Variants in PTPRM observed in about 807,000 individuals in gnomAD.
PTPRM encodes the protein protein tyrosine phosphatase receptor type M, also known as receptor-type tyrosine-protein phosphatase mu.
A neutral mutation model predicts 186.7 loss-of-function variants in PTPRM; 47 were observed. That is an observed-to-expected ratio of 0.25 (90% confidence interval 0.20 to 0.32). The LOEUF (loss-of-function observed/expected upper bound fraction) is 0.32. Among genes scored for constraint, PTPRM ranks in the 10% least tolerant of loss-of-function variants. PTPRM has a pLI of 1.00. For missense variants in PTPRM, 1,494 were observed against 1,865.0 expected (o/e 0.80, Z 3.66); for synonymous variants, 668 against 674.9 (o/e 0.99, Z 0.16).
intron 2 of PTPRM, among the ~76,000 whole-genome samples, chr18:7,885,666 AAGG>A (rs1047956011): frequency 1.3e-5 from 2 of 152,278 alleles, no homozygotes; most frequent in African/African-American, 4.8e-5. Flanking sequence ...ACAGGGAAAA[AAGG>A]AGGAGAAAAG....
intron 1 of PTPRM, among the ~76,000 whole-genome samples, chr18:7,667,827 A>G (rs1185884613): frequency 6.6e-6 from 1 of 152,222 alleles, no homozygotes; most frequent in African/African-American, 2.4e-5. Context: ...GCAAGGCTAC[A>G]TATAAACTGC....
intron 10 of PTPRM, among the ~76,000 whole-genome samples, chr18:8,088,387 G>T (rs145600079): frequency 6.6e-6 from 1 of 152,174 alleles, no homozygotes; most frequent in African/African-American, 2.4e-5. Context: ...GTTTATTTGA[G>T]AATTCATATG....
At chr18:7,843,531 T>C (rs951778065) in intron 2 of PTPRM, among the ~76,000 whole-genome samples, 1 of 152,204 alleles carries the variant, frequency 6.6e-6, no homozygotes, top group Non-Finnish European at 1.5e-5. Context: ...ACTACTAATA[T>C]ATTATCATTG....
At chr18:8,077,386 A>AC (rs2089882797) in intron 9 of PTPRM, among the ~76,000 whole-genome samples, 1 of 152,040 alleles carries the variant, frequency 6.6e-6, no homozygotes, top group Non-Finnish European at 1.5e-5. Context: ...TCACCAGTAA[A>AC]CCCCTTCCCT....
At chr18:8,068,400 A>G (rs1445884568) in intron 7 of PTPRM, among the ~76,000 whole-genome samples, 5 of 152,216 alleles carry the variant, frequency 3.3e-5, no homozygotes, top group Non-Finnish European at 7.3e-5. Flanking sequence ...GTAGTAGTGC[A>G]TGGTACATTA....
intron 15 of PTPRM, among the ~76,000 whole-genome samples, chr18:8,245,692 G>A (rs1215796135): frequency 5.9e-5 from 9 of 152,116 alleles, no homozygotes; most frequent in Admixed American, 5.9e-4. Context: ...CCTTGAAGGG[G>A]ACCACACAGA....
chr18:8,044,727 A>AGCCT (rs1315500461), intron 7 of PTPRM, among the ~76,000 whole-genome samples: 1 of 146,934 alleles, frequency 6.8e-6, no homozygotes, highest in Non-Finnish European at 1.5e-5. Flanking sequence ...ACTGTACTCC[A>AGCCT]GCCTGGGTAA....
intron 14 of PTPRM, among the ~76,000 whole-genome samples, chr18:8,212,561 G>GT (rs2094021081): frequency 6.6e-6 from 1 of 152,254 alleles, no homozygotes; most frequent in Admixed American, 6.5e-5. Context: ...TCAGTGCTTT[G>GT]TGGGGGGCCA....
At chr18:7,932,265 A>G (rs115721146) in intron 5 of PTPRM, among the ~76,000 whole-genome samples, 1 of 152,172 alleles carries the variant, frequency 6.6e-6, no homozygotes, top group Non-Finnish European at 1.5e-5. Flanking sequence ...AACCTGGAAA[A>G]TAACCCCTTT....
At chr18:8,395,309 G>A (rs2095840337) in intron 32 of PTPRM, among the ~76,000 whole-genome samples, 1 of 152,154 alleles carries the variant, frequency 6.6e-6, no homozygotes, top group South Asian at 2.1e-4. Flanking sequence ...GAGGGAGGAA[G>A]AGATGGCCGA....
At chr18:8,388,638 C>G (rs556021619) in intron 31 of PTPRM, among the ~76,000 whole-genome samples, 4 of 152,260 alleles carry the variant, frequency 2.6e-5, no homozygotes, top group African/African-American at 9.6e-5. Context: ...CTGTCATCCC[C>G]CCTTTCTTCT....
In PTPRM at chr18:8,088,831, C is replaced by T; in HGVS notation, c.1836C>T (p.His612=). ...NTVTVMLKPA[H]SRGAPVSVYQ... is the part of the protein sequence containing the mutation. ...TGACAGTCATGCTGAAACCTGCCCA[C>T]AGCAGAGGAGCACCTGTCAGGTATG... Residue 612 remains histidine, a synonymous_variant, in exon 11 of 33, where the codon CAC becomes CAT. Coordinates refer to ENST00000580170, the MANE Select transcript of PTPRM (RefSeq NM_001105244.2). 1 of 1,611,178 alleles carries T rather than the reference C, an allele frequency of 6.2e-7. No homozygotes were observed. The highest frequency in any genetic ancestry group is 1.3e-5 in the African/African-American group (1 of 74,916).
At chr18:7,919,995 A>G (rs1161096688) in intron 4 of PTPRM, among the ~76,000 whole-genome samples, 1 of 152,164 alleles carries the variant, frequency 6.6e-6, no homozygotes, top group Non-Finnish European at 1.5e-5. Context: ...TGAAATAAAC[A>G]TAGATACTCC....
intron 31 of PTPRM, among the ~76,000 whole-genome samples, chr18:8,390,801 G>A (rs2095806325): frequency 6.6e-6 from 1 of 152,068 alleles, no homozygotes; most frequent in South Asian, 2.1e-4. Flanking sequence ...AGTGGCAGGT[G>A]CCTGTAGTCC....
intron 13 of PTPRM, among the ~76,000 whole-genome samples, chr18:8,127,787 A>G (rs1189363460): frequency 6.6e-6 from 1 of 152,126 alleles, no homozygotes; most frequent in Non-Finnish European, 1.5e-5. Context: ...GTTTCCATCG[A>G]TGCGCTTTCA....
In PTPRM at chr18:7,666,234, T is replaced by C. The variant is rs188617846; in HGVS notation, c.73+98343T>C. Among the ~76,000 whole-genome samples, 60 of 152,352 alleles carry C rather than the reference T, an allele frequency of 3.9e-4. 1 individual carries two copies. The East Asian group carries it at 0.011, about 29-fold the overall frequency. On this transcript the variant is annotated intron_variant, in intron 1 of 32. Transcript: ENST00000580170. The stretch of plus-strand genomic sequence containing the variant: ...TTTCCTTTCTTTCCCACTTTCTCTG[T>C]TCCCTTTATTTTCTCTTCTCTTTCT...
At chr18:8,184,014 G>T (rs953944260) in intron 14 of PTPRM, among the ~76,000 whole-genome samples, 1 of 152,164 alleles carries the variant, frequency 6.6e-6, no homozygotes, top group Non-Finnish European at 1.5e-5. Context: ...CAAGATACTG[G>T]AATGACCAGG....
At chr18:8,258,337 G>A (rs564230449) in intron 19 of PTPRM, among the ~76,000 whole-genome samples, 2 of 152,264 alleles carry the variant, frequency 1.3e-5, no homozygotes, top group African/African-American at 2.4e-5. Flanking sequence ...CAGCCACCCT[G>A]CCCCACGCAG....
intron 19 of PTPRM, among the ~76,000 whole-genome samples, chr18:8,289,551 CATATATATACACATAT>C (rs1449392031): frequency 2.6e-5 from 2 of 77,712 alleles, no homozygotes; most frequent in Non-Finnish European, 2.3e-5. Flanking sequence ...TATATATATA[CATATATATACACATAT>C]ATATATATAC....
Sources: gnomAD v4.1 joint callset for allele counts (sites outside exome capture counted in the v4.1 genomes callset) on GRCh38, gnomAD v4.1.1 for gene constraint, MANE v1.5 for transcripts, NCBI Gene and HGNC (gene_info 2026-07-23, HGNC 2026-07-21) for gene names.